ARNT2: variants seen among roughly 807,000 people sequenced by gnomAD.
The protein encoded by ARNT2 is ARNT protein 2.
ARNT2 carries 36 observed loss-of-function variants against 91.7 expected under a neutral mutation model. That is an observed-to-expected ratio of 0.39 (90% CI 0.30 to 0.52). The LOEUF (loss-of-function observed/expected upper bound fraction) is 0.52. Ranked by LOEUF, ARNT2 falls within the 20% of genes least tolerant of loss-of-function variation. ARNT2 has a pLI of 0.72. For missense variants in ARNT2, 775 were observed against 939.3 expected (o/e 0.83, Z 2.29); for synonymous variants, 365 against 347.1 (o/e 1.05, Z -0.57).
At chr15:80,421,974 T>C (rs1445072728) in intron 1 of ARNT2, among the ~76,000 whole-genome samples, 1 of 152,116 alleles carries the variant, frequency 6.6e-6, no homozygotes, top group Non-Finnish European at 1.5e-5. Flanking sequence ...TCAACACAGA[T>C]GAATAGAGAA....
Position 80,595,525 on chromosome 15 carries a change from A to G in ARNT2, c.*1827A>G, listed in dbSNP as rs1893361785. 2 of 152,192 alleles carry G rather than the reference A, an allele frequency of 1.3e-5. No individual in the cohort carries two copies. The highest frequency in any genetic ancestry group is 4.1e-4 in the South Asian group (2 of 4,832). The allele number at this position is 152,192 out of a possible 1,614,324, so 9.4% of individuals were successfully genotyped here. A position where few individuals can be genotyped will look rare whatever the true frequency, so the allele number is the denominator to read the frequency against. ...ACCCCAGCCCTGTCTGGCCAGGGAGATCCATGTGCTCAATGTTGCTGGGGG... is the reference window on the plus strand; with the variant it reads ...ACCCCAGCCCTGTCTGGCCAGGGAGGTCCATGTGCTCAATGTTGCTGGGGG... On this transcript the variant is annotated 3_prime_UTR_variant, in exon 19 of 19. Transcript: ENST00000303329.
At chr15:80,443,752 C>T (rs897994062) in intron 1 of ARNT2, among the ~76,000 whole-genome samples, 8 of 152,074 alleles carry the variant, frequency 5.3e-5, no homozygotes, top group Non-Finnish European at 8.8e-5. Context: ...CAGGGGGCCA[C>T]ATCCCCATAG....
At chr15:80,590,631 A>C (rs77657639) in intron 17 of ARNT2, among the ~76,000 whole-genome samples, 11,184 of 152,278 alleles carry the variant, frequency 0.073, 445 homozygotes, top group South Asian at 0.1. Flanking sequence ...AGTCCCAGCT[A>C]TGAGGGAGGC....
At chr15:80,523,507 G>C (rs765353220) in intron 8 of ARNT2, among the ~76,000 whole-genome samples, 6 of 152,188 alleles carry the variant, frequency 3.9e-5, no homozygotes, top group South Asian at 2.1e-4. Context: ...GACAAATTCT[G>C]TGCCATTCCA....
intron 5 of ARNT2, among the ~76,000 whole-genome samples, chr15:80,499,490 G>C (rs1897163374): frequency 6.6e-6 from 1 of 152,214 alleles, no homozygotes; most frequent in Non-Finnish European, 1.5e-5. Flanking sequence ...TGAACACTGG[G>C]AGAAACTTTT....
At chr15:80,514,269 C>T (rs1163506899) in intron 7 of ARNT2, 51 bp from the exon 8 acceptor site, 2 of 1,587,106 alleles carry the variant, frequency 1.3e-6, no homozygotes, top group Non-Finnish European at 8.6e-7. Flanking sequence ...CATCAACATC[C>T]TTGCCTCACC....
chr15:80,585,380 A>G (rs1458084712), intron 17 of ARNT2, among the ~76,000 whole-genome samples: 1 of 152,214 alleles, frequency 6.6e-6, no homozygotes, highest in African/African-American at 2.4e-5. Context: ...AGTAATTTAA[A>G]CAGGAAAAAT....
chr15:80,523,429 G>T (rs1897585563), intron 8 of ARNT2, among the ~76,000 whole-genome samples: 2 of 152,132 alleles, frequency 1.3e-5, no homozygotes, highest in Admixed American at 6.5e-5. Flanking sequence ...CAGAGGAAGG[G>T]TCCCTAACCT....
In ARNT2 at chr15:80,591,434, C is replaced by A; in HGVS notation, c.1919-134C>A. The A allele has an allele frequency of 2.6e-6, 3 of 1,154,992 alleles. No homozygotes were observed. The highest frequency in any genetic ancestry group is 1.5e-5 in the African/African-American group (1 of 65,498). 71.5% of individuals were successfully genotyped at this position (1,154,992 alleles called of 1,614,324 possible). ...CAGCCAGTGAGAAAGACGAGGATAG[C>A]AAACACATTCCGCCAGCTCTGGATG... On this transcript the variant is annotated intron_variant, in intron 17 of 18. Transcript: ENST00000303329. The surrounding 1 kb of genome is among the most constrained non-coding windows in gnomAD (Gnocchi z 5.1).
In ARNT2 at chr15:80,597,325, G is replaced by C. The variant is rs938815916; in HGVS notation, c.*3627G>C. On this transcript the variant is annotated 3_prime_UTR_variant, in exon 19 of 19. Coordinates refer to ENST00000303329, the MANE Select transcript of ARNT2 (RefSeq NM_014862.4). ...ATAAACAGGAAGAAGCCAGTGACCG[G>C]AACAGCTCTAGGAATAACAAGTCAG... is the stretch of plus-strand genomic sequence containing the variant. The C allele has an allele frequency of 3.9e-6, 2 of 518,600 alleles. No individual in the cohort carries two copies. The highest frequency in any genetic ancestry group is 7.7e-6 in the Non-Finnish European group (2 of 259,814). The allele number at this position is 518,600 out of a possible 1,614,324, so 32.1% of individuals were successfully genotyped here.
intron 11 of ARNT2, among the ~76,000 whole-genome samples, chr15:80,559,333 C>CCCCAACCCCAGA (rs1898274692): frequency 6.8e-6 from 1 of 147,716 alleles, no homozygotes; most frequent in Non-Finnish European, 1.5e-5. Flanking sequence ...CCAGACCCAG[C>CCCCAACCCCAGA]CCCAGCCCCA....
intron 12 of ARNT2, among the ~76,000 whole-genome samples, chr15:80,565,544 T>A (rs537566515): frequency 1.3e-5 from 2 of 151,830 alleles, no homozygotes; most frequent in Admixed American, 1.3e-4. Flanking sequence ...TATTGTTTTT[T>A]TTTTTTTACT....
In ARNT2 at chr15:80,510,443, A is replaced by AT. The variant is rs1897325697; in HGVS notation, c.725+2185_725+2186insT. On this transcript the variant is annotated intron_variant, in intron 6 of 18. Transcript: ENST00000303329. Reference sequence around the variant, plus strand: ...ATACATGCGGCCAACAATCATATATAAAAAAAAAGCTCAATATCACTGATT... The same window carrying AT: ...ATACATGCGGCCAACAATCATATATATAAAAAAAAGCTCAATATCACTGATT... Among the ~76,000 whole-genome samples the AT allele has an allele frequency of 2.0e-5, 3 of 151,626 alleles. No homozygotes were observed. In the South Asian group the frequency reaches 6.3e-4, roughly 32 times the overall value.
At chr15:80,522,206 A>G (rs1055013446) in intron 8 of ARNT2, among the ~76,000 whole-genome samples, 1 of 152,200 alleles carries the variant, frequency 6.6e-6, no homozygotes, top group South Asian at 2.1e-4. Flanking sequence ...TTTTAGCTAC[A>G]TTAACTCATT....
At chr15:80,486,430 G>T (rs1896974631) in intron 5 of ARNT2, among the ~76,000 whole-genome samples, 1 of 152,172 alleles carries the variant, frequency 6.6e-6, no homozygotes. Flanking sequence ...AAGGGGAGTT[G>T]ATCCACTCAC....
chr15:80,593,913 G>A lies in ARNT2; in HGVS notation c.*215G>A, dbSNP rs1017717833. 7.0e-6 allele frequency: 4 copies of A among 571,854 alleles called. No homozygotes were observed. The highest frequency in any genetic ancestry group is 4.6e-4 in the Middle Eastern group (1 of 2,174). The allele number at this position is 571,854 out of a possible 1,614,324, so 35.4% of individuals were successfully genotyped here. ...TGACCAGGGGCCCTGGCAGACATTA[G>A]GGGATCAGTTGTATTTATTGTATTT... On this transcript the variant is annotated 3_prime_UTR_variant, in exon 19 of 19. Coordinates refer to ENST00000303329, the MANE Select transcript of ARNT2 (RefSeq NM_014862.4).
rs771961545 is a variant in ARNT2, at chr15:80,576,977, C to T, written c.1613+12C>T. On this transcript the variant is annotated intron_variant, in intron 15 of 18. Transcript: ENST00000303329. ...GGGAAGGCCTTCAGGTATGTGCCAG[C>T]GAGGGGGACAATGGCGTGGGAAGAT... 8.1e-6 allele frequency: 13 copies of T among 1,612,270 alleles called. No individual in the cohort carries two copies. Among genetic ancestry groups the T allele is most frequent in the South Asian group, 1.1e-5 (1 of 91,054 alleles).
rs746838241 is a variant in ARNT2 at position 80,587,406 on chromosome 15, T to TG, written c.1919-4155dup. On this transcript the variant is annotated intron_variant, in intron 17 of 18. Coordinates refer to ENST00000303329, the MANE Select transcript of ARNT2 (RefSeq NM_014862.4). The stretch of plus-strand genomic sequence containing the variant: ...TTGTCAAATGTCCCCCTTGGTTTGG[T>TG]GGGGGGGTGGGGTTGCGCAAAATCA... 1.2e-3 allele frequency among the ~76,000 whole-genome samples: 187 copies of TG among 150,212 alleles called. 1 individual carries two copies. Among genetic ancestry groups the TG allele is most frequent in the South Asian group, 1.7e-3 (8 of 4,658 alleles).
intron 8 of ARNT2, among the ~76,000 whole-genome samples, chr15:80,528,467 A>G (rs530864626): frequency 6.6e-6 from 1 of 151,900 alleles, no homozygotes; most frequent in South Asian, 2.1e-4. Context: ...ACTGACATCT[A>G]TCTATCCATC....
Sources: gnomAD v4.1 joint callset for allele counts (sites outside exome capture counted in the v4.1 genomes callset) on GRCh38, gnomAD v4.1.1 for gene constraint, Gnocchi (gnomAD v3.1) non-coding constraint, MANE v1.5 for transcripts, NCBI Gene and HGNC (gene_info 2026-07-23, HGNC 2026-07-21) for gene names.